Variants in ADGRB3 observed in about 807,000 individuals in gnomAD.
The protein encoded by ADGRB3 is adhesion G protein-coupled receptor B3.
In ADGRB3, 37 loss-of-function variants were observed where a neutral mutation model predicts 193.4. The observed-to-expected ratio is 0.19, with a 90% CI of 0.15 to 0.25. ADGRB3 has a LOEUF of 0.25. Among genes scored for constraint, ADGRB3 ranks in the 10% least tolerant of loss-of-function variants. The probability of loss-of-function intolerance (pLI) is 1.00; values close to 1 mark genes in which losing one functional copy is unlikely to be tolerated. For missense variants in ADGRB3, 1,637 were observed against 1,852.9 expected (o/e 0.88, Z 2.14); for synonymous variants, 690 against 644.2 (o/e 1.07, Z -1.08).
intron 17 of ADGRB3, among the ~76,000 whole-genome samples, chr6:69,206,863 G>C (rs1413439030): frequency 6.6e-6 from 1 of 152,128 alleles, no homozygotes; most frequent in Non-Finnish European, 1.5e-5. Context: ...ATTTTTCCTG[G>C]TGGAGTGACC....
At chr6:69,165,981 A>G (rs1775123307) in intron 17 of ADGRB3, among the ~76,000 whole-genome samples, 1 of 152,136 alleles carries the variant, frequency 6.6e-6, no homozygotes, top group African/African-American at 2.4e-5. Context: ...TAATAGAAAT[A>G]TTAACAAATT....
Position 69,071,408 on chromosome 6 carries a change from C to A in ADGRB3, c.2437-4587C>A, listed in dbSNP as rs371929335. On this transcript the variant is annotated intron_variant, in intron 16 of 31. Coordinates refer to ENST00000370598, the MANE Select transcript of ADGRB3 (RefSeq NM_001704.3). The stretch of plus-strand genomic sequence containing the variant: ...GCTTTGGCAAAGCTAGTGATATATT[C>A]TACTGTCAAGTAAATATATTTGTTT... Among the ~76,000 whole-genome samples the A allele has an allele frequency of 1.3e-3, 193 of 152,228 alleles. 2 individuals are homozygous for A. Among genetic ancestry groups the A allele is most frequent in the African/African-American group, 4.6e-3 (190 of 41,540 alleles).
chr6:69,372,919 C>CT lies in ADGRB3; in HGVS notation c.4275+487dup, dbSNP rs200348229. 1.1e-4 allele frequency among the ~76,000 whole-genome samples: 16 copies of CT among 150,266 alleles called. 1 individual carries two copies. The highest frequency in any genetic ancestry group is 1.5e-4 in the African/African-American group (6 of 40,974). On this transcript the variant is annotated intron_variant, in intron 30 of 31. Coordinates refer to ENST00000370598, the MANE Select transcript of ADGRB3 (RefSeq NM_001704.3). ...TAGGTTCTCTGCGGTACATTTGATG[C>CT]TTTTTTTTTCAGTAGAAACTATTGA...
intron 20 of ADGRB3, among the ~76,000 whole-genome samples, chr6:69,241,618 T>C (rs16900588): frequency 0.14 from 21,405 of 151,942 alleles, 1,574 homozygotes; most frequent in Middle Eastern, 0.16. Context: ...TCTTTTAAGA[T>C]CTGCAAATAT....
intron 8 of ADGRB3, among the ~76,000 whole-genome samples, chr6:68,965,331 A>C (rs1385738671): frequency 6.6e-6 from 1 of 152,164 alleles, no homozygotes; most frequent in Non-Finnish European, 1.5e-5. Flanking sequence ...GAGCACAGAC[A>C]CTGGATCCGT....
intron 3 of ADGRB3, among the ~76,000 whole-genome samples, chr6:68,644,048 C>G (rs1027986229): frequency 6.6e-6 from 1 of 151,254 alleles, no homozygotes; most frequent in Non-Finnish European, 1.5e-5. Context: ...TTTCAATTAT[C>G]CAGCACACTC....
At chr6:68,890,193 A>T (rs1393143627) in intron 3 of ADGRB3, among the ~76,000 whole-genome samples, 1 of 152,236 alleles carries the variant, frequency 6.6e-6, no homozygotes, top group African/African-American at 2.4e-5. Flanking sequence ...TCACTTTGAA[A>T]GCCATACTTC....
At chr6:69,174,188 T>A (rs1775363410) in intron 17 of ADGRB3, among the ~76,000 whole-genome samples, 1 of 152,230 alleles carries the variant, frequency 6.6e-6, no homozygotes, top group African/African-American at 2.4e-5. Flanking sequence ...GGGGAATGAT[T>A]GATCCTGTCT....
chr6:68,936,662 A>T lies in ADGRB3; in HGVS notation c.1012A>T (p.Asn338Tyr). 2.5e-6 allele frequency: 4 copies of T among 1,613,332 alleles called. No homozygotes were observed. Among genetic ancestry groups the T allele is most frequent in the Non-Finnish European group, 3.4e-6 (4 of 1,179,738 alleles). Reference protein sequence around the residue: ...GPLRESRVCNNTALCPVHGVW... With the variant: ...GPLRESRVCNYTALCPVHGVW... ...ATTAAGAGAATCAAGGGTTTGCAAT[A>T]ACACTGCCCTCTGTCCAGGTAGTGT... Residue 338 changes from asparagine to tyrosine, a missense_variant, in exon 5 of 32, where the codon AAC (asparagine) becomes TAC (tyrosine). By Grantham distance (143) the Asn-to-Tyr change is moderately radical. Around this residue, in one of 7 missense-constraint regions of ADGRB3, gnomAD observed 365 missense variants for 409.8 expected, o/e 0.89. Coordinates refer to ENST00000370598, the MANE Select transcript of ADGRB3 (RefSeq NM_001704.3).
At chr6:68,692,493 G>A (rs1440529090) in intron 3 of ADGRB3, among the ~76,000 whole-genome samples, 1 of 151,726 alleles carries the variant, frequency 6.6e-6, no homozygotes, top group Admixed American at 6.6e-5. Context: ...ATTTTAAAAA[G>A]TGAGACAATG....
At chr6:69,078,904 G>A (rs992342502) in intron 17 of ADGRB3, among the ~76,000 whole-genome samples, 10 of 152,046 alleles carry the variant, frequency 6.6e-5, no homozygotes, top group South Asian at 4.1e-4. Flanking sequence ...AGATACATTC[G>A]ATAAATATTT....
At chr6:68,839,165 T>A (rs140240155) in intron 3 of ADGRB3, among the ~76,000 whole-genome samples, 22 of 152,032 alleles carry the variant, frequency 1.4e-4, no homozygotes, top group African/African-American at 4.8e-4. Context: ...TTGTCTAAAT[T>A]AGAAATGTGG....
intron 3 of ADGRB3, among the ~76,000 whole-genome samples, chr6:68,812,501 A>C (rs1339492873): frequency 6.6e-6 from 1 of 152,136 alleles, no homozygotes; most frequent in African/African-American, 2.4e-5. Context: ...ACACTCTCTT[A>C]GTTATGTATC....
intron 3 of ADGRB3, among the ~76,000 whole-genome samples, chr6:68,892,099 T>C (rs1766094391): frequency 1.3e-5 from 2 of 152,256 alleles, no homozygotes; most frequent in Middle Eastern, 3.2e-3. Context: ...CTGCAGCTAG[T>C]GGCTACAGAA....
At chr6:68,680,273 A>G (rs59009249) in intron 3 of ADGRB3, among the ~76,000 whole-genome samples, 4,609 of 152,140 alleles carry the variant, frequency 0.03, 120 homozygotes, top group African/African-American at 0.065. Context: ...GAAGAATGCA[A>G]CTAGAAGGAA....
At chr6:68,927,912 T>C (rs1582321882) in intron 3 of ADGRB3, among the ~76,000 whole-genome samples, 1 of 152,304 alleles carries the variant, frequency 6.6e-6, no homozygotes, top group Middle Eastern at 3.4e-3. Context: ...CTTCTGATTA[T>C]GTAATAAGTT....
intron 3 of ADGRB3, among the ~76,000 whole-genome samples, chr6:68,659,855 T>G (rs1768582701): frequency 6.6e-6 from 1 of 151,078 alleles, no homozygotes; most frequent in Non-Finnish European, 1.5e-5. Context: ...TCTTTTACAC[T>G]GATCCTCCAT....
chr6:68,884,827 A>G (rs1372055887), intron 3 of ADGRB3, among the ~76,000 whole-genome samples: 1 of 152,164 alleles, frequency 6.6e-6, no homozygotes, highest in African/African-American at 2.4e-5. Context: ...TTCTTGGGAG[A>G]TAATTTCAGA....
chr6:69,204,165 A>T (rs866057919), intron 17 of ADGRB3, among the ~76,000 whole-genome samples: 1 of 152,196 alleles, frequency 6.6e-6, no homozygotes, highest in South Asian at 2.1e-4. Context: ...GAGACTTGGC[A>T]TGGCTTTCAA....
Sources: gnomAD v4.1 joint callset for allele counts (sites outside exome capture counted in the v4.1 genomes callset) on GRCh38, gnomAD v4.1.1 for gene constraint, gnomAD v4.1.1 regional missense constraint, MANE v1.5 for transcripts, NCBI Gene and HGNC (gene_info 2026-07-23, HGNC 2026-07-21) for gene names.